The following SERPINB2 variants were observed in gnomAD, a reference collection of about 807,000 sequenced individuals.
The protein encoded by SERPINB2 is plasminogen activator inhibitor 2.
In SERPINB2, 28 loss-of-function variants were observed where a neutral mutation model predicts 39.4. The ratio of observed to expected loss-of-function variants is 0.71; its 90% CI spans 0.53 to 0.97. The LOEUF (loss-of-function observed/expected upper bound fraction) is 0.97. SERPINB2 is among the 50% of genes least tolerant of loss of function. The pLI, the probability that SERPINB2 is intolerant of heterozygous loss-of-function variation, is 0.00. For missense variants in SERPINB2, 557 were observed against 505.3 expected, an observed-to-expected ratio of 1.10 and a Z score of -0.98; for synonymous variants, 209 against 175.1, an observed-to-expected ratio of 1.19 and a Z score of -1.53.
intron 1 of SERPINB2, among the ~76,000 whole-genome samples, chr18:63,891,067 G>T (rs1047984232): frequency 6.6e-6 from 1 of 152,094 alleles, no homozygotes; most frequent in Non-Finnish European, 1.5e-5. Flanking sequence ...CCTATATATT[G>T]TCATTGTTAT....
intron 2 of SERPINB2, 63 bp downstream of exon 2, chr18:63,891,675 C>T: frequency 6.6e-7 from 1 of 1,510,754 alleles, no homozygotes; most frequent in Non-Finnish European, 9.0e-7. Flanking sequence ...TGGAGAACTG[C>T]TCTTGTTTTA....
In SERPINB2 at chr18:63,901,908, C is replaced by T. The variant is rs377197872; in HGVS notation, c.678+26C>T. 125 of 1,582,140 alleles carry T rather than the reference C, an allele frequency of 7.9e-5. No individual in the cohort carries two copies. The African/African-American group carries it at 1.5e-3, about 19-fold the overall frequency. On this transcript the variant is annotated intron_variant, in intron 6 of 7. Coordinates refer to ENST00000299502, the MANE Select transcript of SERPINB2 (RefSeq NM_002575.3). ...GTATGAGACAACAAAATACATCTTC[C>T]TAGCATATATTTTAGGGCTTTTGAC...
At chr18:63,891,732 T>C in intron 2 of SERPINB2, 120 bp downstream of exon 2, 3 of 958,698 alleles carry the variant, frequency 3.1e-6, no homozygotes, top group Non-Finnish European at 3.0e-6. Context: ...TCACAGGTAA[T>C]GAAGCACTGA....
intron 5 of SERPINB2, among the ~76,000 whole-genome samples, chr18:63,899,787 T>C (rs1005815706): frequency 6.6e-6 from 1 of 152,226 alleles, no homozygotes; most frequent in African/African-American, 2.4e-5. Context: ...TAAGACATTG[T>C]TTCAAGAAAT....
At chr18:63,900,311 T>C (rs1373159804) in intron 5 of SERPINB2, among the ~76,000 whole-genome samples, 1 of 152,198 alleles carries the variant, frequency 6.6e-6, no homozygotes, top group Non-Finnish European at 1.5e-5. Context: ...ATATATTGAA[T>C]GTATATATTA....
In SERPINB2 at chr18:63,902,529, T is replaced by C; in HGVS notation, c.804T>C (p.Leu268=). The part of the protein sequence containing the change: ...YAGDVSMFLL[L]PDEIADVSTG... Reference sequence around the variant, plus strand: ...GAGATGTTAGCATGTTCTTGTTGCTTCCAGATGAAATTGCCGATGTGTCCA... The same window carrying C: ...GAGATGTTAGCATGTTCTTGTTGCTCCCAGATGAAATTGCCGATGTGTCCA... The change falls in exon 7 of 8, where the codon CTT becomes CTC. Residue 268 remains leucine (L), a synonymous_variant. Coordinates refer to ENST00000299502, the MANE Select transcript of SERPINB2 (RefSeq NM_002575.3). The C allele has an allele frequency of 6.2e-7, 1 of 1,613,458 alleles. No homozygotes were observed. The highest frequency in any genetic ancestry group is 8.5e-7 in the Non-Finnish European group (1 of 1,179,626).
In SERPINB2 at chr18:63,887,714, C is replaced by G. The variant is rs1428406534; in HGVS notation, c.-66C>G. 1 of 152,158 alleles carries G rather than the reference C, an allele frequency of 6.6e-6. No homozygotes were observed. The highest frequency in any genetic ancestry group is 1.5e-5 in the Non-Finnish European group (1 of 68,014). 9.4% of individuals were successfully genotyped at this position (152,158 alleles called of 1,614,324 possible). On this transcript the variant is annotated 5_prime_UTR_variant, in exon 1 of 8. Coordinates refer to ENST00000299502, the MANE Select transcript of SERPINB2 (RefSeq NM_002575.3). ...TTACCATGTCTGAACTGTAACAACT[C>G]TCAGAGGAGCATTGCCCGTCAGACA...
At position 63,891,729 on chromosome 18, in the gene SERPINB2, T is replaced by A; in HGVS notation, c.168+117T>A. 2 of 1,012,398 alleles carry A rather than the reference T, an allele frequency of 2.0e-6. 1 individual carries two copies. The highest frequency in any genetic ancestry group is 3.4e-5 in the South Asian group (2 of 58,842). The allele number at this position is 1,012,398 out of a possible 1,614,324, so 62.7% of individuals were successfully genotyped here. A position where few individuals can be genotyped will look rare whatever the true frequency, so the allele number is the denominator to read the frequency against. On this transcript the variant is annotated intron_variant, in intron 2 of 7. Coordinates refer to ENST00000299502, the MANE Select transcript of SERPINB2 (RefSeq NM_002575.3). ...TCAGGAGGTCAGCAATCATCACAGG[T>A]AATGAAGCACTGATCCTTACAACAC...
chr18:63,888,513 T>G (rs2049906393), intron 1 of SERPINB2, among the ~76,000 whole-genome samples: 1 of 152,258 alleles, frequency 6.6e-6, no homozygotes, highest in Non-Finnish European at 1.5e-5. Flanking sequence ...TTAGTTCTCA[T>G]TAATTTTTGT....
intron 5 of SERPINB2, among the ~76,000 whole-genome samples, chr18:63,900,801 C>G (rs2049986823): frequency 6.6e-6 from 1 of 152,096 alleles, no homozygotes; most frequent in South Asian, 2.1e-4. Context: ...GGTCCCACCT[C>G]CTACTTCAAA....
intron 1 of SERPINB2, among the ~76,000 whole-genome samples, chr18:63,888,315 T>A (rs1172258969): frequency 6.6e-6 from 1 of 152,172 alleles, no homozygotes; most frequent in Non-Finnish European, 1.5e-5. Context: ...GTCAATTTAG[T>A]GAAAGAGAAT....
intron 2 of SERPINB2, 97 bp from the exon 3 acceptor site, chr18:63,895,167 A>G: frequency 6.9e-7 from 1 of 1,442,822 alleles, no homozygotes. Context: ...AAGGGAAAAG[A>G]TCTAGGACCA....
Position 63,895,265 on chromosome 18 carries a change from T to C in SERPINB2, c.170T>C (p.Val57Ala). Residue 57 changes from valine (V) to alanine (A), a missense_variant and splice_region_variant, in exon 3 of 8, where the codon GTG becomes GCG. By Grantham distance (64) the Val-to-Ala change is moderately conservative. Transcript: ENST00000299502. ...RGSTEDQMAK[V>A]LQFNEVGANA... is the part of the protein sequence containing the mutation. ...CGTTTTCTCTAATTCTGATTGCAGG[T>C]GCTTCAGTTTAATGAAGTGGGAGCC... 6.2e-7 allele frequency: 1 copy of C among 1,613,266 alleles called. No homozygotes were observed. Among genetic ancestry groups the C allele is most frequent in the South Asian group, 1.1e-5 (1 of 90,804 alleles).
intron 5 of SERPINB2, among the ~76,000 whole-genome samples, chr18:63,900,706 G>A (rs1000851577): frequency 6.6e-6 from 1 of 152,096 alleles, no homozygotes; most frequent in Non-Finnish European, 1.5e-5. Context: ...AAACTGACAT[G>A]GTACACTGCT....
At chr18:63,888,986 A>G (rs2049909009) in intron 1 of SERPINB2, among the ~76,000 whole-genome samples, 1 of 152,208 alleles carries the variant, frequency 6.6e-6, no homozygotes, top group Non-Finnish European at 1.5e-5. Context: ...AACACTGCAT[A>G]TGGGTGCCTT....
intron 1 of SERPINB2, among the ~76,000 whole-genome samples, chr18:63,891,060 A>C (rs929581472): frequency 6.6e-6 from 1 of 152,144 alleles, no homozygotes; most frequent in Non-Finnish European, 1.5e-5. Context: ...TCCTGTCCCT[A>C]TATATTGTCA....
intron 2 of SERPINB2, 53 bp from the exon 3 acceptor site, chr18:63,895,211 A>T: frequency 6.2e-7 from 1 of 1,601,168 alleles, no homozygotes. Context: ...CTGTTTTAAA[A>T]GTTCAGTAAA....
At chr18:63,900,619 CG>C (rs1322168333) in intron 5 of SERPINB2, among the ~76,000 whole-genome samples, 1 of 152,058 alleles carries the variant, frequency 6.6e-6, no homozygotes, top group Non-Finnish European at 1.5e-5. Context: ...TTCTAGGGAA[CG>C]GGGAATAACT....
chr18:63,890,153 AGTCTG>A (rs1417848916), intron 1 of SERPINB2: 3 of 152,226 alleles, frequency 2.0e-5, no homozygotes, highest in Non-Finnish European at 4.4e-5. Flanking sequence ...TTGATAAAAT[AGTCTG>A]GTTGTATTCC....
Sources: allele counts gnomAD v4.1 joint callset (sites outside exome capture counted in the v4.1 genomes callset), GRCh38; gene constraint gnomAD v4.1.1; transcripts MANE v1.5; gene names NCBI Gene and HGNC (gene_info 2026-07-23, HGNC 2026-07-21).